Variants in CAMKV observed in about 807,000 individuals in gnomAD.
CAMKV encodes caM kinase-like vesicle-associated protein.
CAMKV carries 5 observed loss-of-function variants against 50.2 expected under a neutral mutation model. That is an observed-to-expected ratio of 0.10 (90% CI 0.05 to 0.21). The LOEUF is 0.21. Ranked by LOEUF, CAMKV falls within the 10% of genes least tolerant of loss-of-function variation. CAMKV has a pLI of 1.00. For synonymous variants in CAMKV, 229 were observed against 250.1 expected (o/e 0.92, Z 0.80); for missense variants, 361 against 650.5 (o/e 0.55, Z 4.84).
rs2082003685 is a variant in CAMKV at position 49,859,612 on chromosome 3, T to G, written c.1212A>C (p.Pro404=). The G allele has an allele frequency of 1.2e-6, 2 of 1,614,052 alleles. No individual in the cohort carries two copies. The highest frequency in any genetic ancestry group is 1.7e-6 in the Non-Finnish European group (2 of 1,179,976). ...CTGGAGTGATGCTTCCATCGGTGGC[T>G]GGGGTGACACTGCCATCAGTGGCTG... The part of the protein sequence containing the change: ...ATPATDGSVT[P]ATDGSITPAT... The change falls in exon 11 of 11, where the codon CCA becomes CCC. Residue 404 remains proline (P), a synonymous_variant. Coordinates refer to ENST00000477224, the MANE Select transcript of CAMKV (RefSeq NM_024046.5). The surrounding 1 kb of genome is among the most constrained non-coding windows in gnomAD (Gnocchi z 5.5).
intron 1 of CAMKV, among the ~76,000 whole-genome samples, chr3:49,864,681 C>T (rs1416836135): frequency 3.9e-5 from 6 of 152,226 alleles, no homozygotes; most frequent in Non-Finnish European, 7.3e-5. Context: ...ACTGAGGCTG[C>T]GCTGAAATTG....
intron 1 of CAMKV, among the ~76,000 whole-genome samples, chr3:49,866,010 T>C (rs755191139): frequency 4.6e-5 from 7 of 152,230 alleles, no homozygotes; most frequent in African/African-American, 9.6e-5. Flanking sequence ...AATGTCAGCC[T>C]GGAGCCATGT....
In CAMKV at chr3:49,858,594, G is replaced by A; in HGVS notation, c.*724C>T. On this transcript the variant is annotated 3_prime_UTR_variant, in exon 11 of 11. Transcript: ENST00000477224. ...CTCCTTTCCCTTAGAGGCTCATGAG[G>A]TTCAGGGTACAGGGCAGCCCACTGC... is the stretch of plus-strand genomic sequence containing the variant. 5.3e-6 allele frequency: 2 copies of A among 377,752 alleles called. No individual in the cohort carries two copies. The highest frequency in any genetic ancestry group is 4.1e-5 in the African/African-American group (2 of 48,282). The allele number at this position is 377,752 out of a possible 1,614,324, so 23.4% of individuals were successfully genotyped here. A position where few individuals can be genotyped will look rare whatever the true frequency, so the allele number is the denominator to read the frequency against.
Position 49,869,029 on chromosome 3 carries a change from C to G in CAMKV, c.-15+729G>C, listed in dbSNP as rs913700777. Among the ~76,000 whole-genome samples, 1 of 152,246 alleles carries G rather than the reference C, an allele frequency of 6.6e-6. No homozygotes were observed. The highest frequency in any genetic ancestry group is 1.5e-5 in the Non-Finnish European group (1 of 68,042). On this transcript the variant is annotated intron_variant, in intron 1 of 10. Coordinates refer to ENST00000477224, the MANE Select transcript of CAMKV (RefSeq NM_024046.5). This position sits in a 1 kb window ranked among gnomAD's most constrained non-coding sequence, Gnocchi z 5.2. ...CATGCTGTCACTATCCCAGCCACCT[C>G]CAGCCAGGGGCCCTGCTCCCCACCG...
Position 49,859,147 on chromosome 3 carries a change from C to A in CAMKV, c.*171G>T. 1 of 594,372 alleles carries A rather than the reference C, an allele frequency of 1.7e-6. No individual in the cohort carries two copies. 36.8% of individuals were successfully genotyped at this position (594,372 alleles called of 1,614,324 possible). Reference sequence around the variant, plus strand: ...GGCCTGCCCACCACTCACACACATACACACAGGAGACGAGACTGCTCTCCC... The same window carrying A: ...GGCCTGCCCACCACTCACACACATAAACACAGGAGACGAGACTGCTCTCCC... On this transcript the variant is annotated 3_prime_UTR_variant, in exon 11 of 11. Coordinates refer to ENST00000477224, the MANE Select transcript of CAMKV (RefSeq NM_024046.5). This position sits in a 1 kb window ranked among gnomAD's most constrained non-coding sequence, Gnocchi z 5.5.
chr3:49,865,815 C>A (rs2082059973), intron 1 of CAMKV, among the ~76,000 whole-genome samples: 1 of 152,240 alleles, frequency 6.6e-6, no homozygotes, highest in Non-Finnish European at 1.5e-5. Context: ...ATGCCCCACC[C>A]CCCACCCCAC....
rs1182684186 is a variant in CAMKV, at chr3:49,861,028, C to T, written c.563-10G>A. On this transcript the variant is annotated splice_polypyrimidine_tract_variant and intron_variant, in intron 6 of 10. Transcript: ENST00000477224. This position sits in a 1 kb window ranked among gnomAD's most constrained non-coding sequence, Gnocchi z 7.7. ...CCTACCACCTCTGGGGCTACAAACA[C>T]AGCGCCCATCTGCTGGTCAGTATCA... The T allele has an allele frequency of 1.2e-6, 2 of 1,613,944 alleles. No homozygotes were observed. Among genetic ancestry groups the T allele is most frequent in the African/African-American group, 2.7e-5 (2 of 74,912 alleles).
In CAMKV at chr3:49,861,533, T is replaced by C; in HGVS notation, c.347A>G (p.Tyr116Cys). 6.2e-7 allele frequency: 1 copy of C among 1,614,160 alleles called. No homozygotes were observed. ...GTTGCTTGTGTCTCGCTCCGAGTAG[T>C]AGCCCTGGTCCAGGATCCAGTCAAA... is the stretch of plus-strand genomic sequence containing the variant. ...EVFDWILDQG[Y>C]YSERDTSNVV... The change falls in exon 5 of 11, where the codon TAC (tyrosine) becomes TGC (cysteine). Residue 116 changes from tyrosine to cysteine, a missense_variant. Transcript: ENST00000477224. The surrounding 1 kb of genome is among the most constrained non-coding windows in gnomAD (Gnocchi z 7.7).
chr3:49,866,276 G>A (rs1409540391), intron 1 of CAMKV, among the ~76,000 whole-genome samples: 1 of 152,212 alleles, frequency 6.6e-6, no homozygotes, highest in Non-Finnish European at 1.5e-5. Flanking sequence ...GGTTTCGGGT[G>A]TGTGCACCAA....
Position 49,862,728 on chromosome 3 carries a change from A to G in CAMKV, c.-14-326T>C, listed in dbSNP as rs2108330554. 6.6e-6 allele frequency among the ~76,000 whole-genome samples: 1 copy of G among 152,388 alleles called. No individual in the cohort carries two copies. Among genetic ancestry groups the G allele is most frequent in the East Asian group, 1.9e-4 (1 of 5,194 alleles). On this transcript the variant is annotated intron_variant, in intron 1 of 10. Transcript: ENST00000477224. This position sits in a 1 kb window ranked among gnomAD's most constrained non-coding sequence, Gnocchi z 5.2. Reference sequence around the variant, plus strand: ...TTAAATTTCAGCTATTTTACAGATGAAGGGGGCTATAACCACCCACCCACC... The same window carrying G: ...TTAAATTTCAGCTATTTTACAGATGGAGGGGGCTATAACCACCCACCCACC...
At chr3:49,868,903 G>A (rs1269019740) in intron 1 of CAMKV, among the ~76,000 whole-genome samples, 4 of 152,182 alleles carry the variant, frequency 2.6e-5, no homozygotes, top group Non-Finnish European at 5.9e-5. Flanking sequence ...TGCCTGGGAG[G>A]TGCGGACAAA....
Position 49,861,882 on chromosome 3 carries a change from G to T in CAMKV, c.228-17C>A, listed in dbSNP as rs531906058. 6.8e-6 allele frequency: 11 copies of T among 1,613,352 alleles called. No homozygotes were observed. The African/African-American group carries it at 1.5e-4, about 22-fold the overall frequency. On this transcript the variant is annotated splice_polypyrimidine_tract_variant and intron_variant, in intron 3 of 10. Coordinates refer to ENST00000477224, the MANE Select transcript of CAMKV (RefSeq NM_024046.5). This position sits in a 1 kb window ranked among gnomAD's most constrained non-coding sequence, Gnocchi z 7.7. The stretch of plus-strand genomic sequence containing the variant: ...TGCTTCACCCTGGCGACAGGGAGGG[G>T]AGCCAGTAGTTAGGGCTGGATGAAC...
At position 49,861,347 on chromosome 3, in the gene CAMKV, A is replaced by G; in HGVS notation, c.442-47T>C. ...TGGGTGAGCAGAAGACACCATGAGG[A>G]CCTTGGAGGCTAGACCAAGGCCCTG... On this transcript the variant is annotated intron_variant, in intron 5 of 10. Transcript: ENST00000477224. This position sits in a 1 kb window ranked among gnomAD's most constrained non-coding sequence, Gnocchi z 7.7. 2 of 1,613,694 alleles carry G rather than the reference A, an allele frequency of 1.2e-6. No individual in the cohort carries two copies. The highest frequency in any genetic ancestry group is 1.7e-6 in the Non-Finnish European group (2 of 1,179,768).
rs2082020816 is a variant in CAMKV at position 49,861,505 on chromosome 3, C to A, written c.375G>T (p.Val125=). The change falls in exon 5 of 11, where the codon GTG becomes GTT. Residue 125 remains valine (V), a synonymous_variant. Coordinates refer to ENST00000477224, the MANE Select transcript of CAMKV (RefSeq NM_024046.5). This position sits in a 1 kb window ranked among gnomAD's most constrained non-coding sequence, Gnocchi z 7.7. ...CCACGGCCTCCAGGACTTGCCGTACCACGTTGCTTGTGTCTCGCTCCGAGT... is the reference window on the plus strand; with the variant it reads ...CCACGGCCTCCAGGACTTGCCGTACAACGTTGCTTGTGTCTCGCTCCGAGT... ...GYYSERDTSN[V]VRQVLEAVAY... is the part of the protein sequence containing the mutation. 9 of 1,614,212 alleles carry A rather than the reference C, an allele frequency of 5.6e-6. No homozygotes were observed. In the East Asian group the frequency reaches 2.0e-4, roughly 36 times the overall value.
chr3:49,860,080 G>T lies in CAMKV; in HGVS notation c.942+91C>A, dbSNP rs1388981719. 2 of 1,238,772 alleles carry T rather than the reference G, an allele frequency of 1.6e-6. No homozygotes were observed. Among genetic ancestry groups the T allele is most frequent in the African/African-American group, 3.0e-5 (2 of 67,766 alleles). 76.7% of individuals were successfully genotyped at this position (1,238,772 alleles called of 1,614,324 possible). A position where few individuals can be genotyped will look rare whatever the true frequency, so the allele number is the denominator to read the frequency against. ...ACCTGATGGCCTGAGAAAAGCTTGT[G>T]TGTGGCTGCAGGGGTGTGATGCAGG... On this transcript the variant is annotated intron_variant, in intron 10 of 10. Transcript: ENST00000477224. This position sits in a 1 kb window ranked among gnomAD's most constrained non-coding sequence, Gnocchi z 6.1.
Position 49,862,924 on chromosome 3 carries a change from C to T in CAMKV, c.-14-522G>A, listed in dbSNP as rs115393300. Among the ~76,000 whole-genome samples the T allele has an allele frequency of 5.1e-3, 777 of 152,314 alleles. 6 individuals carry two copies. The highest frequency in any genetic ancestry group is 0.018 in the African/African-American group (743 of 41,552). On this transcript the variant is annotated intron_variant, in intron 1 of 10. Transcript: ENST00000477224. This position sits in a 1 kb window ranked among gnomAD's most constrained non-coding sequence, Gnocchi z 5.2. ...AATTGCACTCCTAAATACGTGCCTA[C>T]AGAAGTGCACATATTCGTGCATCAG...
rs756744339 is a variant in CAMKV at position 49,861,413 on chromosome 3, C to A, written c.441+26G>T. On this transcript the variant is annotated intron_variant, in intron 5 of 10. Transcript: ENST00000477224. This position sits in a 1 kb window ranked among gnomAD's most constrained non-coding sequence, Gnocchi z 7.7. ...CAGCACCAGCCCAGCTGCCAACTGG[C>A]CCTTTGACTCTGGCTCTGCCCTCAC... 3.7e-6 allele frequency: 6 copies of A among 1,613,892 alleles called. No homozygotes were observed. The highest frequency in any genetic ancestry group is 5.1e-6 in the Non-Finnish European group (6 of 1,179,902).
rs1233504979 is a variant in CAMKV, at chr3:49,860,585, A to G, written c.776-36T>C. 2 of 1,610,724 alleles carry G rather than the reference A, an allele frequency of 1.2e-6. No homozygotes were observed. The highest frequency in any genetic ancestry group is 1.7e-6 in the Non-Finnish European group (2 of 1,177,716). On this transcript the variant is annotated intron_variant, in intron 8 of 10. Coordinates refer to ENST00000477224, the MANE Select transcript of CAMKV (RefSeq NM_024046.5). This position sits in a 1 kb window ranked among gnomAD's most constrained non-coding sequence, Gnocchi z 6.1. ...AACCAAGAAGGGGATAGTCATGGGC[A>G]CCCCATCTCAATGTCTAGAGGTGAT...
chr3:49,859,083 C>T lies in CAMKV; in HGVS notation c.*235G>A. 2.2e-6 allele frequency: 1 copy of T among 453,014 alleles called. No homozygotes were observed. Among genetic ancestry groups the T allele is most frequent in the Non-Finnish European group, 3.9e-6 (1 of 257,880 alleles). The allele number at this position is 453,014 out of a possible 1,614,324, so 28.1% of individuals were successfully genotyped here. A position where few individuals can be genotyped will look rare whatever the true frequency, so the allele number is the denominator to read the frequency against. On this transcript the variant is annotated 3_prime_UTR_variant, in exon 11 of 11. Coordinates refer to ENST00000477224, the MANE Select transcript of CAMKV (RefSeq NM_024046.5). This position sits in a 1 kb window ranked among gnomAD's most constrained non-coding sequence, Gnocchi z 5.5. ...AAGCTAGCAAAAGACAGAAAAGCCA[C>T]AAGGAATCCATGCAGGGGCTGGGGC...
Sources: gnomAD v4.1 joint callset for allele counts (sites outside exome capture counted in the v4.1 genomes callset) on GRCh38, gnomAD v4.1.1 for gene constraint, Gnocchi (gnomAD v3.1) non-coding constraint, MANE v1.5 for transcripts, NCBI Gene and HGNC (gene_info 2026-07-23, HGNC 2026-07-21) for gene names.